CTC1: variants seen among roughly 807,000 people sequenced by gnomAD.
CTC1 encodes the protein CST telomere replication complex component 1.
A neutral mutation model predicts 136.3 loss-of-function variants in CTC1; 91 were observed. That is an observed-to-expected ratio of 0.67 (90% CI 0.56 to 0.79). The LOEUF is 0.79. CTC1 is among the 30% of genes least tolerant of loss of function. The pLI, the probability that CTC1 is intolerant of heterozygous loss-of-function variation, is 0.00. For synonymous variants in CTC1, 606 were observed against 613.8 expected (o/e 0.99, Z 0.19); for missense variants, 1,432 against 1,498.1 (o/e 0.96, Z 0.73).
In CTC1 at chr17:8,238,253, C is replaced by A. The variant is rs2151530855; in HGVS notation, c.436-11G>T. ...GTCCAGGTCTATGAGCTAAGAAAGACCAAGAGCAAGGGTTAATCAGAACCT... is the reference window on the plus strand; with the variant it reads ...GTCCAGGTCTATGAGCTAAGAAAGAACAAGAGCAAGGGTTAATCAGAACCT... On this transcript the variant is annotated splice_polypyrimidine_tract_variant and intron_variant, in intron 3 of 22. Transcript: ENST00000651323. 6.3e-7 allele frequency: 1 copy of A among 1,591,930 alleles called. No individual in the cohort carries two copies. The highest frequency in any genetic ancestry group is 8.6e-7 in the Non-Finnish European group (1 of 1,166,290).
intron 17 of CTC1, 161 bp from the exon 18 acceptor site, chr17:8,230,129 G>T: frequency 1.0e-6 from 1 of 957,350 alleles, no homozygotes; most frequent in Non-Finnish European, 1.6e-6. Flanking sequence ...AGGAGGACCA[G>T]CCTGCAACAC....
At chr17:8,239,523 A>ATTT (rs74266356) in intron 2 of CTC1, among the ~76,000 whole-genome samples, 1 of 140,768 alleles carries the variant, frequency 7.1e-6, no homozygotes, top group Non-Finnish European at 1.6e-5. Context: ...ATTCCCCTGA[A>ATTT]TTTTTTTTTT....
At position 8,227,047 on chromosome 17, in the gene CTC1, CAACT is replaced by C. The variant is rs1986773876; in HGVS notation, c.*1129_*1132del. On this transcript the variant is annotated 3_prime_UTR_variant, in exon 23 of 23. Transcript: ENST00000651323. ...GGCGTTATTAGCACCACGCTCTAAC[CAACT>C]GAGCTAACCGGCCACTAACTTTCCG... is the stretch of plus-strand genomic sequence containing the variant. 1 of 151,336 alleles carries C rather than the reference CAACT, an allele frequency of 6.6e-6. No homozygotes were observed. The highest frequency in any genetic ancestry group is 1.9e-4 in the East Asian group (1 of 5,184). The allele number at this position is 151,336 out of a possible 1,614,324, so 9.4% of individuals were successfully genotyped here. A position where few individuals can be genotyped will look rare whatever the true frequency, so the allele number is the denominator to read the frequency against.
rs190423989 is a variant in CTC1, at chr17:8,245,696, G to A, written c.33+2308C>T. ...CTCTCGCCTGTAATCCCAGCACTCT[G>A]GGGGGCCAAGGTGGATCGCTCGAGC... On this transcript the variant is annotated intron_variant, in intron 1 of 22. Transcript: ENST00000651323. 4.3e-3 allele frequency among the ~76,000 whole-genome samples: 655 copies of A among 152,224 alleles called. 1 individual carries two copies. Among genetic ancestry groups the A allele is most frequent in the Non-Finnish European group, 7.3e-3 (495 of 68,010 alleles).
At chr17:8,237,031 G>A (rs1031029440) in intron 5 of CTC1, among the ~76,000 whole-genome samples, 4 of 119,528 alleles carry the variant, frequency 3.3e-5, no homozygotes, top group Admixed American at 1.0e-4. Flanking sequence ...TCAACAGTAA[G>A]TACCAAGTTT....
Position 8,229,988 on chromosome 17 carries a change from AGT to A in CTC1, c.2934-22_2934-21del. The A allele has an allele frequency of 6.2e-7, 1 of 1,612,518 alleles. No homozygotes were observed. The highest frequency in any genetic ancestry group is 8.5e-7 in the Non-Finnish European group (1 of 1,178,606). ...TGAGATCTGCAAGTGGAAGAGGAAT[AGT>A]GAGTGACCAGGAAGACAAGGCAAAT... On this transcript the variant is annotated intron_variant, in intron 17 of 22. Coordinates refer to ENST00000651323, the MANE Select transcript of CTC1 (RefSeq NM_025099.6).
chr17:8,239,408 G>C (rs1988028092), intron 2 of CTC1, among the ~76,000 whole-genome samples: 1 of 152,172 alleles, frequency 6.6e-6, no homozygotes, highest in South Asian at 2.1e-4. Flanking sequence ...AGACTAGGGG[G>C]GAAGCTGAGG....
chr17:8,237,432 G>A lies in CTC1; in HGVS notation c.735C>T (p.Phe245=). ...GGTGTGATCTACCAAGAGACAGGAT[G>A]AAGTAAGCTTTCTGTTTACTTTTCA... is the stretch of plus-strand genomic sequence containing the variant. ...ALVKSKQKAY[F]ILSLGRSHPA... is the part of the protein sequence containing the mutation. The change falls in exon 5 of 23, where the codon TTC becomes TTT. Residue 245 remains phenylalanine (F), a synonymous_variant. Transcript: ENST00000651323. 1 of 1,613,942 alleles carries A rather than the reference G, an allele frequency of 6.2e-7. No homozygotes were observed. The highest frequency in any genetic ancestry group is 8.5e-7 in the Non-Finnish European group (1 of 1,179,914).
chr17:8,243,278 GGGAGGCTGAGGCAGGC>G, intron 1 of CTC1, 130 bp from the exon 2 acceptor site: 1 of 759,158 alleles, frequency 1.3e-6, no homozygotes, highest in Non-Finnish European at 2.0e-6. Context: ...CCAACACTTT[GGGAGGCTGAGGCAGGC>G]GGATCACTTG....
chr17:8,247,826 A>T, intron 1 of CTC1, 178 bp downstream of exon 1: 1 of 635,824 alleles, frequency 1.6e-6, no homozygotes, highest in Non-Finnish European at 2.8e-6. Flanking sequence ...CGCGTGAATG[A>T]GGGAATAAAC....
At chr17:8,232,612 A>G in intron 11 of CTC1, 137 bp from the exon 12 acceptor site, 1 of 718,740 alleles carries the variant, frequency 1.4e-6, no homozygotes, top group Non-Finnish European at 2.3e-6. Context: ...CCCACACCTG[A>G]CCCCCACCTT....
chr17:8,237,988 T>C, intron 4 of CTC1, 43 bp downstream of exon 4: 4 of 1,511,940 alleles, frequency 2.6e-6, no homozygotes, highest in Non-Finnish European at 3.7e-6. Context: ...GCATCATCCT[T>C]CAGTTTTACA....
chr17:8,236,551 A>T (rs2151524953), intron 5 of CTC1, among the ~76,000 whole-genome samples: 1 of 152,322 alleles, frequency 6.6e-6, no homozygotes, highest in Middle Eastern at 3.4e-3. Flanking sequence ...CTTCCCCAAC[A>T]TACAAACCAT....
intron 1 of CTC1, 55 bp from the exon 2 acceptor site, chr17:8,243,203 C>T (rs1205471470): frequency 1.3e-6 from 2 of 1,546,618 alleles, no homozygotes; most frequent in Non-Finnish European, 1.8e-6. Flanking sequence ...ACCAAGGAAA[C>T]TTGGGAAGAA....
At position 8,246,948 on chromosome 17, in the gene CTC1, T is replaced by C. The variant is rs187901161; in HGVS notation, c.33+1056A>G. Among the ~76,000 whole-genome samples the C allele has an allele frequency of 3.7e-3, 559 of 149,646 alleles. 2 individuals are homozygous for C. The highest frequency in any genetic ancestry group is 5.0e-3 in the Non-Finnish European group (341 of 67,578). ...CACGCACACAAACCAATCCTTTAGATTGTATTTTCTTAACATCTTATTTAT... is the reference window on the plus strand; with the variant it reads ...CACGCACACAAACCAATCCTTTAGACTGTATTTTCTTAACATCTTATTTAT... On this transcript the variant is annotated intron_variant, in intron 1 of 22. Coordinates refer to ENST00000651323, the MANE Select transcript of CTC1 (RefSeq NM_025099.6).
In CTC1 at chr17:8,224,913, C is replaced by G. The variant is rs556961840; in HGVS notation, c.*3267G>C. On this transcript the variant is annotated 3_prime_UTR_variant, in exon 23 of 23. Transcript: ENST00000651323. Reference sequence around the variant, plus strand: ...GCAGTGGCGCGATCTCGGCTGACAACACCTCCTCCCCCCTCCAAGGTTGAA... The same window carrying G: ...GCAGTGGCGCGATCTCGGCTGACAAGACCTCCTCCCCCCTCCAAGGTTGAA... 3 of 152,214 alleles carry G rather than the reference C, an allele frequency of 2.0e-5. No homozygotes were observed. Among genetic ancestry groups the G allele is most frequent in the Non-Finnish European group, 4.4e-5 (3 of 68,054 alleles). The allele number at this position is 152,214 out of a possible 1,614,324, so 9.4% of individuals were successfully genotyped here. A position where few individuals can be genotyped will look rare whatever the true frequency, so the allele number is the denominator to read the frequency against.
Position 8,237,487 on chromosome 17 carries a change from G to C in CTC1, c.680C>G (p.Ala227Gly). The C allele has an allele frequency of 6.2e-7, 1 of 1,613,810 alleles. No homozygotes were observed. Among genetic ancestry groups the C allele is most frequent in the Non-Finnish European group, 8.5e-7 (1 of 1,179,946 alleles). ...AGCACTCAATCGAACTAGACTCCCA[G>C]CCAGGTTTCGCTGCACACCTCTGAG... ...NKLRGVQRNL[A>G]GSLVRLSALV... Residue 227 changes from alanine (A) to glycine (G), a missense_variant, in exon 5 of 23, where the codon GCT becomes GGT. Ala to Gly is a moderately conservative substitution (Grantham distance 60). Transcript: ENST00000651323.
At chr17:8,245,385 A>C (rs1988591441) in intron 1 of CTC1, among the ~76,000 whole-genome samples, 1 of 152,178 alleles carries the variant, frequency 6.6e-6, no homozygotes, top group Admixed American at 6.5e-5. Context: ...CACTTCAGCC[A>C]CACACTCATT....
chr17:8,237,582 T>C (rs949502708), intron 4 of CTC1, 63 bp from the exon 5 acceptor site: 6 of 1,444,732 alleles, frequency 4.2e-6, no homozygotes, highest in Non-Finnish European at 5.6e-6. Context: ...GGAGAATCAC[T>C]TGAACCTGAA....
Sources: allele counts gnomAD v4.1 joint callset (sites outside exome capture counted in the v4.1 genomes callset), GRCh38; gene constraint gnomAD v4.1.1; transcripts MANE v1.5; gene names NCBI Gene and HGNC (gene_info 2026-07-23, HGNC 2026-07-21).